The following CCDC60 variants were observed in gnomAD, a reference collection of about 807,000 sequenced individuals.
CCDC60 encodes the protein coiled-coil domain-containing protein 60.
CCDC60 carries 54 observed loss-of-function variants against 63.5 expected under a neutral mutation model. The observed-to-expected ratio is 0.85, with a 90% CI of 0.68 to 1.07. The LOEUF is 1.07. CCDC60 is among the 50% of genes least tolerant of loss of function. The pLI, the probability that CCDC60 is intolerant of heterozygous loss-of-function variation, is 0.00. For synonymous variants in CCDC60, 206 were observed against 238.8 expected (o/e 0.86, Z 1.27); for missense variants, 651 against 684.3 (o/e 0.95, Z 0.54).
intron 2 of CCDC60, among the ~76,000 whole-genome samples, chr12:119,471,139 G>A (rs188338454): frequency 9.2e-5 from 14 of 152,320 alleles, no homozygotes; most frequent in Admixed American, 5.2e-4. Context: ...CTGGCAAAGC[G>A]CAGGGAGGTG....
At chr12:119,381,484 T>C (rs895124992) in intron 1 of CCDC60, among the ~76,000 whole-genome samples, 1 of 152,138 alleles carries the variant, frequency 6.6e-6, no homozygotes, top group African/African-American at 2.4e-5. Context: ...GTGCCTTAAA[T>C]CTCTGGAATT....
intron 1 of CCDC60, among the ~76,000 whole-genome samples, chr12:119,419,963 G>C (rs1303408344): frequency 7.4e-6 from 1 of 135,752 alleles, no homozygotes; most frequent in African/African-American, 2.8e-5. Flanking sequence ...TGCAACCTCC[G>C]CCTCCTGGGT....
intron 1 of CCDC60, among the ~76,000 whole-genome samples, chr12:119,386,755 G>GA (rs1429606285): frequency 6.6e-6 from 1 of 152,288 alleles, no homozygotes; most frequent in East Asian, 1.9e-4. Context: ...ACCCAACTCA[G>GA]AAAAATGTAG....
intron 1 of CCDC60, among the ~76,000 whole-genome samples, chr12:119,392,999 C>T (rs907007878): frequency 1.3e-5 from 2 of 152,022 alleles, no homozygotes; most frequent in Admixed American, 6.6e-5. Context: ...TACAAAAATA[C>T]AAAAAATTAA....
At chr12:119,527,004 A>C (rs961802322) in intron 11 of CCDC60, among the ~76,000 whole-genome samples, 1 of 152,220 alleles carries the variant, frequency 6.6e-6, no homozygotes, top group Non-Finnish European at 1.5e-5. Context: ...GAAAGGACAC[A>C]GAATCAATCT....
chr12:119,439,391 G>A (rs1950394931), intron 2 of CCDC60, among the ~76,000 whole-genome samples: 1 of 152,106 alleles, frequency 6.6e-6, no homozygotes. Flanking sequence ...GTCAGAATTT[G>A]ATTCATTTAC....
intron 2 of CCDC60, among the ~76,000 whole-genome samples, chr12:119,443,836 C>T (rs1035349384): frequency 1.3e-5 from 2 of 152,166 alleles, no homozygotes; most frequent in African/African-American, 2.4e-5. Context: ...TACCTAATCT[C>T]TCTGAGTCTC....
intron 2 of CCDC60, among the ~76,000 whole-genome samples, chr12:119,436,923 T>G (rs1000134783): frequency 6.6e-6 from 1 of 152,246 alleles, no homozygotes; most frequent in Non-Finnish European, 1.5e-5. Context: ...TCTGTGAATT[T>G]CTGATCTTGG....
chr12:119,412,862 C>T (rs11614625), intron 1 of CCDC60, among the ~76,000 whole-genome samples: 21,727 of 147,246 alleles, frequency 0.15, 1,767 homozygotes, highest in African/African-American at 0.2. Context: ...ATCACAGATA[C>T]TTCTTCTGAT....
chr12:119,504,171 A>G (rs751773859), intron 6 of CCDC60, among the ~76,000 whole-genome samples: 3 of 152,190 alleles, frequency 2.0e-5, no homozygotes, highest in Non-Finnish European at 4.4e-5. Flanking sequence ...GAGCTTTGGC[A>G]TTAACCTAAC....
intron 2 of CCDC60, among the ~76,000 whole-genome samples, chr12:119,451,295 A>C (rs932061314): frequency 6.6e-6 from 1 of 152,194 alleles, no homozygotes; most frequent in Non-Finnish European, 1.5e-5. Context: ...AGCCCCAGCT[A>C]AACATATCTG....
intron 7 of CCDC60, among the ~76,000 whole-genome samples, chr12:119,509,013 G>A (rs571178914): frequency 1.3e-5 from 2 of 151,810 alleles, no homozygotes; most frequent in Non-Finnish European, 2.9e-5. Flanking sequence ...TGAGGGGAGG[G>A]GTAAATGGAG....
chr12:119,351,911 T>A (rs1431280125), intron 1 of CCDC60, among the ~76,000 whole-genome samples: 2 of 152,208 alleles, frequency 1.3e-5, no homozygotes, highest in Non-Finnish European at 2.9e-5. Flanking sequence ...ATCTCCACAT[T>A]TTCAGGTATC....
intron 2 of CCDC60, among the ~76,000 whole-genome samples, chr12:119,435,948 T>C (rs1950316540): frequency 6.6e-6 from 1 of 152,188 alleles, no homozygotes; most frequent in Non-Finnish European, 1.5e-5. Context: ...TCTAGGATAG[T>C]CTTGGGCAGA....
intron 1 of CCDC60, among the ~76,000 whole-genome samples, chr12:119,367,297 C>A (rs1472397359): frequency 2.6e-5 from 4 of 152,178 alleles, no homozygotes; most frequent in Non-Finnish European, 5.9e-5. Context: ...TGTGCAAGGT[C>A]ATGGAGGGCT....
chr12:119,484,886 G>A (rs1051949413), intron 4 of CCDC60, among the ~76,000 whole-genome samples: 7 of 152,156 alleles, frequency 4.6e-5, no homozygotes, highest in African/African-American at 1.7e-4. Context: ...GTAGGCTCAC[G>A]GTCTGGAAAG....
chr12:119,497,020 T>C (rs1030665619), intron 5 of CCDC60, among the ~76,000 whole-genome samples: 1 of 152,194 alleles, frequency 6.6e-6, no homozygotes, highest in African/African-American at 2.4e-5. Context: ...GGCTCTACTC[T>C]GTAGTTACTC....
At chr12:119,374,898 A>ATC (rs1955935341) in intron 1 of CCDC60, among the ~76,000 whole-genome samples, 2 of 152,114 alleles carry the variant, frequency 1.3e-5, no homozygotes, top group Admixed American at 6.5e-5. Flanking sequence ...TTTTAGCATA[A>ATC]TGCATTAAAA....
Position 119,507,614 on chromosome 12 carries a change from A to ATTTTT in CCDC60, c.883+2323_883+2327dup, listed in dbSNP as rs1184630442. Among the ~76,000 whole-genome samples, 407 of 50,426 alleles carry ATTTTT rather than the reference A, an allele frequency of 8.1e-3. 33 individuals carry two copies. Among genetic ancestry groups the ATTTTT allele is most frequent in the African/African-American group, 0.018 (230 of 12,598 alleles). 33.1% of individuals were successfully genotyped at this position (50,426 alleles called of 152,430 possible). On this transcript the variant is annotated intron_variant, in intron 7 of 13. Transcript: ENST00000327554. ...TACATATATATATATATATATATAT[A>ATTTTT]TTTTTTTTTTTTTTTTCTAGAAACA...
Sources: allele counts gnomAD v4.1 joint callset (sites outside exome capture counted in the v4.1 genomes callset), GRCh38; gene constraint gnomAD v4.1.1; transcripts MANE v1.5; gene names NCBI Gene and HGNC (gene_info 2026-07-23, HGNC 2026-07-21).